NIBAN2: variants seen among roughly 807,000 people sequenced by gnomAD.
The protein encoded by NIBAN2 is protein Niban 2.
NIBAN2 carries 36 observed loss-of-function variants against 81.8 expected under a neutral mutation model. That is an observed-to-expected ratio of 0.44 (90% confidence interval 0.34 to 0.58). The LOEUF is 0.58. Among genes scored for constraint, NIBAN2 ranks in the 20% least tolerant of loss-of-function variants. NIBAN2 has a pLI of 0.02. For synonymous variants in NIBAN2, 445 were observed against 441.6 expected (o/e 1.01, Z -0.10); for missense variants, 897 against 1,014.1 (o/e 0.88, Z 1.57).
chr9:127,559,687 T>A lies in NIBAN2; in HGVS notation c.55+9133A>T, dbSNP rs1407775381. Among the ~76,000 whole-genome samples, 1 of 152,002 alleles carries A rather than the reference T, an allele frequency of 6.6e-6. No individual in the cohort carries two copies. Among genetic ancestry groups the A allele is most frequent in the African/African-American group, 2.4e-5 (1 of 41,380 alleles). ...CAGATGGGCAGGTGGGAAAGTGGGG[T>A]CTGCACTTTGCAAACCACAGTTCAT... On this transcript the variant is annotated intron_variant, in intron 1 of 13. Coordinates refer to ENST00000373312, the MANE Select transcript of NIBAN2 (RefSeq NM_022833.4). The surrounding 1 kb of genome is among the most constrained non-coding windows in gnomAD (Gnocchi z 4.0).
At chr9:127,552,031 G>A (rs965538482) in intron 1 of NIBAN2, among the ~76,000 whole-genome samples, 2 of 152,144 alleles carry the variant, frequency 1.3e-5, no homozygotes, top group African/African-American at 4.8e-5. Context: ...CTCCAGGTCT[G>A]GGTTATGGCT....
Position 127,516,973 on chromosome 9 carries a change from C to A in NIBAN2, c.857G>T (p.Arg286Leu). 1.2e-6 allele frequency: 2 copies of A among 1,614,084 alleles called. No individual in the cohort carries two copies. Among genetic ancestry groups the A allele is most frequent in the South Asian group, 1.1e-5 (1 of 91,082 alleles). Reference sequence around the variant, plus strand: ...CACCTTGGACAGCACCTCCTCGAAGCGCGCCTTGGCCTGCTCGTACACCAT... The same window carrying A: ...CACCTTGGACAGCACCTCCTCGAAGAGCGCCTTGGCCTGCTCGTACACCAT... Reference protein sequence around the residue: ...YHMVYEQAKARFEEVLSKVQQ... With the variant: ...YHMVYEQAKALFEEVLSKVQQ... Residue 286 changes from arginine (R) to leucine (L), a missense_variant, in exon 8 of 14, where the codon CGC becomes CTC. Around this residue, in one of 3 missense-constraint regions of NIBAN2, gnomAD observed 619 missense variants for 691.0 expected, o/e 0.90. Transcript: ENST00000373312.
intron 1 of NIBAN2, among the ~76,000 whole-genome samples, chr9:127,547,031 G>A (rs547502609): frequency 2.5e-4 from 38 of 151,594 alleles, no homozygotes; most frequent in Non-Finnish European, 4.3e-4. Context: ...GCCAAGATTC[G>A]GACAGGCATG....
upstream of NIBAN2, among the ~76,000 whole-genome samples, chr9:127,573,100 A>G (rs1038022589): frequency 6.6e-6 from 1 of 152,194 alleles, no homozygotes; most frequent in Non-Finnish European, 1.5e-5. Context: ...GTATACAGCA[A>G]TCCTTGTTCA....
At position 127,506,530 on chromosome 9, in the gene NIBAN2, T is replaced by G; in HGVS notation, c.*315A>C. 7.4e-6 allele frequency: 2 copies of G among 271,068 alleles called. No individual in the cohort carries two copies. The highest frequency in any genetic ancestry group is 6.5e-5 in the East Asian group (1 of 15,268). The allele number at this position is 271,068 out of a possible 1,614,324, so 16.8% of individuals were successfully genotyped here. A position where few individuals can be genotyped will look rare whatever the true frequency, so the allele number is the denominator to read the frequency against. ...AAGGATGGCAGCACCCATGAGGGGA[T>G]GGAGGCCACAGAAGGACAGGAAGGG... On this transcript the variant is annotated 3_prime_UTR_variant, in exon 14 of 14. Coordinates refer to ENST00000373312, the MANE Select transcript of NIBAN2 (RefSeq NM_022833.4).
At chr9:127,523,190 AAAATAT>A (rs1836983864) in intron 5 of NIBAN2, among the ~76,000 whole-genome samples, 1 of 22,988 alleles carries the variant, frequency 4.4e-5, no homozygotes, top group Non-Finnish European at 7.2e-5. Context: ...AAAAAAAAAA[AAAATAT>A]ATATATATAT....
rs773523330 is a variant in NIBAN2, at chr9:127,531,625, C to A, written c.186+23G>T. The A allele has an allele frequency of 1.9e-6, 3 of 1,608,242 alleles. No homozygotes were observed. In the African/African-American group the frequency reaches 4.0e-5, roughly 21 times the overall value. On this transcript the variant is annotated intron_variant, in intron 2 of 13. Coordinates refer to ENST00000373312, the MANE Select transcript of NIBAN2 (RefSeq NM_022833.4). ...ATGGCGAGAAGTAGCAGAACATACC[C>A]GAGCCCTCCCAGCACCTCTCACCTT...
intron 1 of NIBAN2, among the ~76,000 whole-genome samples, chr9:127,562,824 A>G (rs190764847): frequency 6.6e-6 from 1 of 152,314 alleles, no homozygotes; most frequent in African/African-American, 2.4e-5. Context: ...AAGCTGGGAA[A>G]GTGACCCTCT....
At chr9:127,540,243 C>G (rs1228720727) in intron 1 of NIBAN2, among the ~76,000 whole-genome samples, 1 of 152,158 alleles carries the variant, frequency 6.6e-6, no homozygotes, top group Non-Finnish European at 1.5e-5. Context: ...TGGGCAAGAA[C>G]TGGGGAGGCC....
intron 1 of NIBAN2, among the ~76,000 whole-genome samples, chr9:127,558,955 G>A (rs899863630): frequency 1.3e-5 from 2 of 152,104 alleles, no homozygotes; most frequent in Admixed American, 6.6e-5. Flanking sequence ...CCATCTTAGC[G>A]ACAACTGGAC....
intron 5 of NIBAN2, among the ~76,000 whole-genome samples, chr9:127,519,414 G>A (rs1341152968): frequency 6.6e-6 from 1 of 152,136 alleles, no homozygotes; most frequent in Non-Finnish European, 1.5e-5. Context: ...CAGGCAGCAG[G>A]CAGACTCCCC....
intron 1 of NIBAN2, among the ~76,000 whole-genome samples, chr9:127,547,522 A>T (rs1217542212): frequency 6.9e-6 from 1 of 145,330 alleles, no homozygotes; most frequent in East Asian, 2.1e-4. Context: ...ATCTCAAAAA[A>T]CACAACAACA....
chr9:127,508,589 TTCCTGGGTGCCGCTGAGGGG>T lies in NIBAN2; in HGVS notation c.1318-71_1318-52del, dbSNP rs745920331. On this transcript the variant is annotated intron_variant, in intron 10 of 13. Coordinates refer to ENST00000373312, the MANE Select transcript of NIBAN2 (RefSeq NM_022833.4). The surrounding 1 kb of genome is among the most constrained non-coding windows in gnomAD (Gnocchi z 6.4). ...AAGCCCCCAGGGTGACCACAGCCCC[TTCCTGGGTGCCGCTGAGGGG>T]TCCTCATCCTCAACCAGCCCCCCAC... The T allele has an allele frequency of 3.7e-5, 55 of 1,477,680 alleles. No individual in the cohort carries two copies. In the Admixed American group the frequency reaches 9.2e-4, roughly 25 times the overall value. The allele number at this position is 1,477,680 out of a possible 1,614,324, so 91.5% of individuals were successfully genotyped here.
In NIBAN2 at chr9:127,536,336, C is replaced by T. The variant is rs147477454; in HGVS notation, c.56-4558G>A. On this transcript the variant is annotated intron_variant, in intron 1 of 13. Transcript: ENST00000373312. The surrounding 1 kb of genome is among the most constrained non-coding windows in gnomAD (Gnocchi z 4.0). The stretch of plus-strand genomic sequence containing the variant: ...GGACCCTGCTGGAAGAGGACCCAGG[C>T]GAGCACTGCAGCCCTGGTGGGGGCT... 6.6e-6 allele frequency among the ~76,000 whole-genome samples: 1 copy of T among 152,162 alleles called. No homozygotes were observed. The highest frequency in any genetic ancestry group is 2.4e-5 in the African/African-American group (1 of 41,426).
chr9:127,520,739 C>T (rs1188763325), intron 5 of NIBAN2, among the ~76,000 whole-genome samples: 2 of 151,988 alleles, frequency 1.3e-5, no homozygotes, highest in Admixed American at 6.6e-5. Context: ...AAAAAATTAG[C>T]CAGGTGTGGT....
intron 1 of NIBAN2, 128 bp from the exon 2 acceptor site, chr9:127,531,906 C>A: frequency 7.8e-7 from 1 of 1,281,270 alleles, no homozygotes; most frequent in Non-Finnish European, 1.1e-6. Context: ...ACAGGCTCCT[C>A]GCGCTCATCT....
Position 127,517,008 on chromosome 9 carries a change from G to A in NIBAN2, c.822C>T (p.Ala274=), listed in dbSNP as rs148413718. ...RQRQWIQISD[A]VYHMVYEQAK... ...CCTGCTCGTACACCATGTGGTACAC[G>A]GCGTCCGAGATCTGTGGGCAGAGCA... Residue 274 remains alanine (A), a synonymous_variant, in exon 8 of 14, where the codon GCC becomes GCT. Transcript: ENST00000373312. This position sits in a 1 kb window ranked among gnomAD's most constrained non-coding sequence, Gnocchi z 4.0. 1.8e-5 allele frequency: 29 copies of A among 1,613,534 alleles called. No homozygotes were observed. Among genetic ancestry groups the A allele is most frequent in the South Asian group, 1.3e-4 (12 of 91,068 alleles).
intron 1 of NIBAN2, among the ~76,000 whole-genome samples, chr9:127,535,053 G>A (rs1276247476): frequency 6.6e-6 from 1 of 152,138 alleles, no homozygotes; most frequent in Non-Finnish European, 1.5e-5. Flanking sequence ...GTCAAGCCAC[G>A]CACCCCACAG....
At position 127,540,488 on chromosome 9, in the gene NIBAN2, G is replaced by A. The variant is rs138667350; in HGVS notation, c.56-8710C>T. The stretch of plus-strand genomic sequence containing the variant: ...ACGCTCCCCAAAGCCACCATGTGCC[G>A]CTCCTGTGCTAAGCATTTTGCTTGG... On this transcript the variant is annotated intron_variant, in intron 1 of 13. Coordinates refer to ENST00000373312, the MANE Select transcript of NIBAN2 (RefSeq NM_022833.4). Among the ~76,000 whole-genome samples, 694 of 152,296 alleles carry A rather than the reference G, an allele frequency of 4.6e-3. 5 individuals carry two copies. Among genetic ancestry groups the A allele is most frequent in the East Asian group, 0.021 (107 of 5,190 alleles).
Sources: gnomAD v4.1 joint callset for allele counts (sites outside exome capture counted in the v4.1 genomes callset) on GRCh38, gnomAD v4.1.1 for gene constraint, gnomAD v4.1.1 regional missense constraint, Gnocchi (gnomAD v3.1) non-coding constraint, MANE v1.5 for transcripts, NCBI Gene and HGNC (gene_info 2026-07-23, HGNC 2026-07-21) for gene names.